Variants in CACNG3 observed in about 807,000 individuals in gnomAD.
CACNG3 encodes voltage-dependent calcium channel gamma-3 subunit.
A neutral mutation model predicts 28.5 loss-of-function variants in CACNG3; 3 were observed. The observed-to-expected ratio is 0.11, with a 90% CI of 0.05 to 0.27. CACNG3 has a LOEUF of 0.27. Ranked by LOEUF, CACNG3 falls within the 10% of genes least tolerant of loss-of-function variation. The pLI is 1.00. For synonymous variants in CACNG3, 174 were observed against 162.2 expected, an observed-to-expected ratio of 1.07 and a Z score of -0.55; for missense variants, 236 against 414.4, an observed-to-expected ratio of 0.57 and a Z score of 3.74.
At position 24,306,907 on chromosome 16, in the gene CACNG3, A is replaced by G. The variant is rs1467709219; in HGVS notation, c.212-39827A>G. Reference sequence around the variant, plus strand: ...CAAGACTGGCCCCTTAGTCTGTTTGACACGGAGGGCAGGTGTGGTGGCAAC... The same window carrying G: ...CAAGACTGGCCCCTTAGTCTGTTTGGCACGGAGGGCAGGTGTGGTGGCAAC... On this transcript the variant is annotated intron_variant, in intron 1 of 3. Transcript: ENST00000005284. Among the ~76,000 whole-genome samples, 3 of 152,098 alleles carry G rather than the reference A, an allele frequency of 2.0e-5. No homozygotes were observed. The East Asian group carries it at 5.8e-4, about 29-fold the overall frequency.
At chr16:24,349,175 C>A (rs2141381061) in intron 2 of CACNG3, among the ~76,000 whole-genome samples, 1 of 152,364 alleles carries the variant, frequency 6.6e-6, no homozygotes, top group South Asian at 2.1e-4. Flanking sequence ...TCCTGACCCA[C>A]AACCCTGGTG....
intron 1 of CACNG3, among the ~76,000 whole-genome samples, chr16:24,269,939 C>A (rs895301366): frequency 4.0e-5 from 6 of 151,004 alleles, no homozygotes; most frequent in Non-Finnish European, 8.8e-5. Context: ...CCCTCAATAT[C>A]CTGGGTGCAA....
intron 1 of CACNG3, among the ~76,000 whole-genome samples, chr16:24,322,614 T>G (rs901734568): frequency 7.2e-5 from 11 of 152,028 alleles, no homozygotes; most frequent in African/African-American, 2.7e-4. Context: ...TAAAACTCCC[T>G]CCTAAAGCAC....
chr16:24,312,656 ATTT>A (rs1161517242), intron 1 of CACNG3, among the ~76,000 whole-genome samples: 1 of 150,116 alleles, frequency 6.7e-6, no homozygotes, highest in Admixed American at 6.7e-5. Context: ...TCTCTTAAAA[ATTT>A]TTTTTTTAAT....
chr16:24,312,485 A>G (rs1411539545), intron 1 of CACNG3, among the ~76,000 whole-genome samples: 2 of 152,042 alleles, frequency 1.3e-5, no homozygotes, highest in Non-Finnish European at 2.9e-5. Context: ...GGTGATAATA[A>G]TAGTTATCTT....
At chr16:24,300,156 G>A (rs1899086354) in intron 1 of CACNG3, among the ~76,000 whole-genome samples, 1 of 152,136 alleles carries the variant, frequency 6.6e-6, no homozygotes, top group South Asian at 2.1e-4. Context: ...TTACTTTGTA[G>A]CATCTTCTTT....
chr16:24,309,962 A>G (rs1343243539), intron 1 of CACNG3, among the ~76,000 whole-genome samples: 1 of 152,192 alleles, frequency 6.6e-6, no homozygotes, highest in Admixed American at 6.5e-5. Flanking sequence ...ACAAAAAGCC[A>G]CTAGAGGGCT....
chr16:24,359,273 C>T (rs1302498148), intron 3 of CACNG3, among the ~76,000 whole-genome samples: 8 of 152,130 alleles, frequency 5.3e-5, no homozygotes, highest in African/African-American at 1.4e-4. Flanking sequence ...CCTTCTCCTC[C>T]TTGTTATATC....
At chr16:24,345,457 T>C (rs372736063) in intron 1 of CACNG3, among the ~76,000 whole-genome samples, 6 of 152,122 alleles carry the variant, frequency 3.9e-5, no homozygotes, top group Admixed American at 6.5e-5. Context: ...TCCCAGCACA[T>C]TGGGAGGCCG....
intron 1 of CACNG3, among the ~76,000 whole-genome samples, chr16:24,269,939 C>T (rs895301366): frequency 6.6e-6 from 1 of 150,910 alleles, no homozygotes; most frequent in South Asian, 2.1e-4. Flanking sequence ...CCCTCAATAT[C>T]CTGGGTGCAA....
intron 1 of CACNG3, among the ~76,000 whole-genome samples, chr16:24,345,397 G>T (rs1418921894): frequency 1.3e-5 from 2 of 152,142 alleles, no homozygotes; most frequent in Non-Finnish European, 2.9e-5. Context: ...CACCCAAAAT[G>T]ATGATTAAAC....
At chr16:24,300,957 C>T (rs950179788) in intron 1 of CACNG3, among the ~76,000 whole-genome samples, 6 of 150,824 alleles carry the variant, frequency 4.0e-5, no homozygotes, top group African/African-American at 1.5e-4. Flanking sequence ...GCAGGAGAGT[C>T]GCTTGAACCT....
chr16:24,331,742 C>G lies in CACNG3; in HGVS notation c.212-14992C>G, dbSNP rs185860865. Among the ~76,000 whole-genome samples, 6 of 152,320 alleles carry G rather than the reference C, an allele frequency of 3.9e-5. No homozygotes were observed. The East Asian group carries it at 1.2e-3, about 29-fold the overall frequency. On this transcript the variant is annotated intron_variant, in intron 1 of 3. Coordinates refer to ENST00000005284, the MANE Select transcript of CACNG3 (RefSeq NM_006539.4). ...CACTTTCCCCCTCACTCATTCTGCT[C>G]CAGTTGCCCTGAGCTTGTCTTGGTT...
chr16:24,304,309 A>G (rs1362949713), intron 1 of CACNG3, among the ~76,000 whole-genome samples: 1 of 152,222 alleles, frequency 6.6e-6, no homozygotes, highest in Non-Finnish European at 1.5e-5. Flanking sequence ...TTAATTATGC[A>G]TAGGAAAGAG....
At chr16:24,347,097 C>T (rs866832901) in intron 2 of CACNG3, among the ~76,000 whole-genome samples, 12 of 152,308 alleles carry the variant, frequency 7.9e-5, no homozygotes, top group Middle Eastern at 3.4e-3. Flanking sequence ...CAGAAAGGAT[C>T]GCTTGAGCTC....
At chr16:24,289,689 G>C (rs1187797814) in intron 1 of CACNG3, among the ~76,000 whole-genome samples, 5 of 152,186 alleles carry the variant, frequency 3.3e-5, no homozygotes, top group Non-Finnish European at 7.3e-5. Flanking sequence ...TGCCTTCCTA[G>C]CTGTGGGTAG....
intron 1 of CACNG3, among the ~76,000 whole-genome samples, chr16:24,307,025 C>A (rs1034432725): frequency 4.6e-5 from 7 of 152,166 alleles, no homozygotes; most frequent in African/African-American, 1.4e-4. Flanking sequence ...AGGTCACACC[C>A]GCTTCCCAGA....
At chr16:24,321,155 T>C (rs1341701574) in intron 1 of CACNG3, among the ~76,000 whole-genome samples, 1 of 152,172 alleles carries the variant, frequency 6.6e-6, no homozygotes, top group Admixed American at 6.6e-5. Flanking sequence ...AACCACCTGT[T>C]AGTCACTTAA....
At chr16:24,352,194 G>C (rs74013182) in intron 2 of CACNG3, among the ~76,000 whole-genome samples, 5,648 of 152,106 alleles carry the variant, frequency 0.037, 293 homozygotes, top group African/African-American at 0.12. Context: ...AAATGAAAAC[G>C]GCCGGAGCTA....
Sources: gnomAD v4.1 joint callset for allele counts (sites outside exome capture counted in the v4.1 genomes callset) on GRCh38, gnomAD v4.1.1 for gene constraint, MANE v1.5 for transcripts, NCBI Gene and HGNC (gene_info 2026-07-23, HGNC 2026-07-21) for gene names.